The following SOX6 variants were observed in gnomAD, a reference collection of about 807,000 sequenced individuals.
SOX6 encodes the protein SRY-box transcription factor 6.
SOX6 carries 11 observed loss-of-function variants against 97.8 expected under a neutral mutation model. That is an observed-to-expected ratio of 0.11 (90% CI 0.07 to 0.19). The LOEUF (loss-of-function observed/expected upper bound fraction) is 0.19. SOX6 is among the 10% of genes least tolerant of loss of function. The pLI, the probability that SOX6 is intolerant of heterozygous loss-of-function variation, is 1.00. For synonymous variants in SOX6, 360 were observed against 371.4 expected, an observed-to-expected ratio of 0.97 and a Z score of 0.35; for missense variants, 810 against 1,039.5, an observed-to-expected ratio of 0.78 and a Z score of 3.04.
intron 4 of SOX6, among the ~76,000 whole-genome samples, chr11:16,516,061 G>A (rs1354072150): frequency 1.3e-5 from 2 of 151,262 alleles, no homozygotes; most frequent in Non-Finnish European, 2.9e-5. Flanking sequence ...GAACTTTAAA[G>A]TAGTTTTTTC....
intron 4 of SOX6, among the ~76,000 whole-genome samples, chr11:16,208,405 G>A (rs1852129261): frequency 6.6e-6 from 1 of 152,088 alleles, no homozygotes; most frequent in Non-Finnish European, 1.5e-5. Flanking sequence ...TTTCTCTAAT[G>A]GTGCAAAAGC....
intron 9 of SOX6, among the ~76,000 whole-genome samples, chr11:16,074,124 G>A (rs1222342669): frequency 6.6e-6 from 1 of 152,006 alleles, no homozygotes; most frequent in Admixed American, 6.6e-5. Context: ...AGGAAACTGA[G>A]ATGCAAAAAA....
At chr11:16,655,763 G>C (rs1489394467) in intron 3 of SOX6, among the ~76,000 whole-genome samples, 1 of 152,060 alleles carries the variant, frequency 6.6e-6, no homozygotes, top group Non-Finnish European at 1.5e-5. Context: ...GGTTTTAGAT[G>C]AAATCAATAG....
At chr11:16,737,837 A>T (rs1327478628) in intron 1 of SOX6, among the ~76,000 whole-genome samples, 3 of 152,198 alleles carry the variant, frequency 2.0e-5, no homozygotes, top group African/African-American at 4.8e-5. Context: ...ACTAAGTGAC[A>T]GTGGATTGTA....
At chr11:15,993,106 T>A (rs1228551557) in intron 13 of SOX6, among the ~76,000 whole-genome samples, 1 of 152,120 alleles carries the variant, frequency 6.6e-6, no homozygotes, top group African/African-American at 2.4e-5. Flanking sequence ...TGTGTATAAA[T>A]TCAGAAATTT....
chr11:16,531,083 A>G (rs879740899), intron 4 of SOX6, among the ~76,000 whole-genome samples: 2 of 149,800 alleles, frequency 1.3e-5, no homozygotes, highest in Non-Finnish European at 3.0e-5. Context: ...TTTCAGATTA[A>G]ATTAAACTTC....
intron 6 of SOX6, among the ~76,000 whole-genome samples, chr11:16,143,310 T>C (rs1023658420): frequency 3.9e-5 from 6 of 152,144 alleles, no homozygotes; most frequent in African/African-American, 1.2e-4. Flanking sequence ...CTGAGAGATT[T>C]TGTCACCACC....
At chr11:16,156,164 C>T (rs1850591245) in intron 6 of SOX6, among the ~76,000 whole-genome samples, 1 of 151,910 alleles carries the variant, frequency 6.6e-6, no homozygotes, top group African/African-American at 2.4e-5. Flanking sequence ...TCTAAGAGCC[C>T]TATCACCACA....
At chr11:16,556,843 G>A (rs532810958) in intron 4 of SOX6, among the ~76,000 whole-genome samples, 40 of 151,824 alleles carry the variant, frequency 2.6e-4, no homozygotes, top group African/African-American at 9.4e-4. Flanking sequence ...ATAACGTAAC[G>A]ATTTATAGCC....
chr11:16,484,254 C>G (rs2133126959), intron 4 of SOX6: 2 of 1,076,212 alleles, frequency 1.9e-6, no homozygotes, highest in East Asian at 4.7e-5. Context: ...GCCCATGTGT[C>G]CAGAATGTTG....
At chr11:16,514,345 G>A (rs1405694028) in intron 4 of SOX6, among the ~76,000 whole-genome samples, 1 of 152,026 alleles carries the variant, frequency 6.6e-6, no homozygotes, top group Non-Finnish European at 1.5e-5. Flanking sequence ...ACTAAAAGTA[G>A]GTCAGCCCAA....
At chr11:16,583,297 T>A (rs1029165938) in intron 4 of SOX6, among the ~76,000 whole-genome samples, 24 of 152,022 alleles carry the variant, frequency 1.6e-4, no homozygotes, top group Middle Eastern at 3.4e-3. Context: ...GAACATTCAA[T>A]CCTCTCTTCT....
chr11:15,971,658 T>A lies in SOX6; in HGVS notation c.*1151A>T, dbSNP rs1853317803. On this transcript the variant is annotated 3_prime_UTR_variant, in exon 16 of 16. Coordinates refer to ENST00000683767, the MANE Select transcript of SOX6 (RefSeq NM_001367873.1). ...GATACATACTCATGATTAAAAACAATAATAGGTTTTTAATAATATCTTGGT... is the reference window on the plus strand; with the variant it reads ...GATACATACTCATGATTAAAAACAAAAATAGGTTTTTAATAATATCTTGGT... 1 of 152,516 alleles carries A rather than the reference T, an allele frequency of 6.6e-6. No individual in the cohort carries two copies. The highest frequency in any genetic ancestry group is 1.5e-5 in the Non-Finnish European group (1 of 68,026). The allele number at this position is 152,516 out of a possible 1,614,324, so 9.4% of individuals were successfully genotyped here.
At chr11:16,342,892 C>A (rs987443693) in intron 1 of SOX6, among the ~76,000 whole-genome samples, 4 of 151,482 alleles carry the variant, frequency 2.6e-5, no homozygotes, top group Admixed American at 6.6e-5. Context: ...CTACAAGTAA[C>A]AAAAATTGTA....
chr11:16,726,978 A>G (rs1848310982), intron 2 of SOX6, among the ~76,000 whole-genome samples: 1 of 152,072 alleles, frequency 6.6e-6, no homozygotes, highest in Admixed American at 6.6e-5. Flanking sequence ...GAGTCTGCTT[A>G]TATTTGTGAC....
intron 4 of SOX6, among the ~76,000 whole-genome samples, chr11:16,550,475 AAAT>A (rs1461337576): frequency 2.0e-5 from 3 of 151,964 alleles, no homozygotes; most frequent in African/African-American, 4.8e-5. Context: ...AAAAAATAAA[AAAT>A]AATAATAAAA....
chr11:16,008,019 T>C (rs1369623775), intron 13 of SOX6, among the ~76,000 whole-genome samples: 2 of 152,094 alleles, frequency 1.3e-5, no homozygotes, highest in Non-Finnish European at 2.9e-5. Flanking sequence ...CCCCTACAGA[T>C]ACCAAAATCC....
At chr11:16,192,553 C>A (rs1157023240) in intron 4 of SOX6, among the ~76,000 whole-genome samples, 2 of 151,604 alleles carry the variant, frequency 1.3e-5, no homozygotes, top group Non-Finnish European at 2.9e-5. Flanking sequence ...TCAAAATCAG[C>A]CCTCTAGCCT....
intron 13 of SOX6, among the ~76,000 whole-genome samples, chr11:16,013,712 C>T (rs1051829494): frequency 6.9e-6 from 1 of 145,942 alleles, no homozygotes; most frequent in Non-Finnish European, 1.5e-5. Context: ...GTCTCCCAAA[C>T]TATCATCAAA....
Sources: allele counts gnomAD v4.1 joint callset (sites outside exome capture counted in the v4.1 genomes callset), GRCh38; gene constraint gnomAD v4.1.1; transcripts MANE v1.5; gene names NCBI Gene and HGNC (gene_info 2026-07-23, HGNC 2026-07-21).